Variants in ITGA8 observed in about 807,000 individuals in gnomAD.
ITGA8 encodes the protein integrin alpha-8.
A neutral mutation model predicts 142.3 loss-of-function variants in ITGA8; 91 were observed. The ratio of observed to expected loss-of-function variants is 0.64; its 90% CI spans 0.54 to 0.76. The LOEUF is 0.76. ITGA8 is among the 30% of genes least tolerant of loss of function. The pLI, the probability that ITGA8 is intolerant of heterozygous loss-of-function variation, is 0.00. For synonymous variants in ITGA8, 505 were observed against 485.2 expected (o/e 1.04, Z -0.54); for missense variants, 1,406 against 1,327.7 (o/e 1.06, Z -0.92).
intron 23 of ITGA8, among the ~76,000 whole-genome samples, chr10:15,576,658 G>A (rs983797616): frequency 4.6e-5 from 7 of 152,298 alleles, no homozygotes; most frequent in Admixed American, 6.5e-5. Context: ...TCTAGGGCAA[G>A]TAATTTAATT....
intron 2 of ITGA8, among the ~76,000 whole-genome samples, chr10:15,692,994 G>A (rs1834962832): frequency 6.6e-6 from 1 of 152,164 alleles, no homozygotes; most frequent in Non-Finnish European, 1.5e-5. Context: ...GTTGAACCTG[G>A]AAGTGGAGGT....
At chr10:15,650,833 A>G (rs1834071866) in intron 11 of ITGA8, among the ~76,000 whole-genome samples, 1 of 152,224 alleles carries the variant, frequency 6.6e-6, no homozygotes, top group African/African-American at 2.4e-5. Flanking sequence ...ATATCAAATC[A>G]ACCTAATTGA....
intron 8 of ITGA8, among the ~76,000 whole-genome samples, chr10:15,662,787 T>G (rs1457886427): frequency 6.6e-6 from 1 of 152,200 alleles, no homozygotes. Flanking sequence ...GAACTCATAG[T>G]TGGTGAGTAG....
chr10:15,606,759 A>G (rs1311553186), intron 17 of ITGA8, among the ~76,000 whole-genome samples: 1 of 152,174 alleles, frequency 6.6e-6, no homozygotes, highest in Non-Finnish European at 1.5e-5. Flanking sequence ...CACAAAAAAC[A>G]TCATGAATTT....
chr10:15,692,683 A>G (rs558983330), intron 2 of ITGA8, among the ~76,000 whole-genome samples: 1 of 152,314 alleles, frequency 6.6e-6, no homozygotes, highest in South Asian at 2.1e-4. Flanking sequence ...CCTCAACACA[A>G]TTGTACATAC....
At chr10:15,609,954 A>G (rs796577365) in intron 15 of ITGA8, among the ~76,000 whole-genome samples, 3 of 152,188 alleles carry the variant, frequency 2.0e-5, no homozygotes, top group South Asian at 2.1e-4. Flanking sequence ...ATGGGATGGT[A>G]TATAGTTGAT....
intron 7 of ITGA8, 97 bp downstream of exon 7, chr10:15,672,527 C>T (rs1834543287): frequency 2.9e-6 from 4 of 1,386,610 alleles, no homozygotes; most frequent in Non-Finnish European, 3.9e-6. Context: ...GTATAAGATG[C>T]CAAATAACAT....
chr10:15,533,640 A>G (rs1297549526), intron 27 of ITGA8, among the ~76,000 whole-genome samples: 2 of 152,196 alleles, frequency 1.3e-5, no homozygotes, highest in Non-Finnish European at 2.9e-5. Flanking sequence ...GATAGAAAAT[A>G]TTACTGTTCT....
At chr10:15,561,226 T>TAA (rs750452088) in intron 25 of ITGA8, among the ~76,000 whole-genome samples, 3 of 106,618 alleles carry the variant, frequency 2.8e-5, no homozygotes, top group African/African-American at 1.2e-4. Context: ...TATATATATA[T>TAA]ATATATATGT....
At chr10:15,685,270 T>G (rs1834814701) in intron 3 of ITGA8, among the ~76,000 whole-genome samples, 1 of 152,212 alleles carries the variant, frequency 6.6e-6, no homozygotes, top group African/African-American at 2.4e-5. Flanking sequence ...ATCCAAATTA[T>G]TTCATAAATG....
chr10:15,548,427 T>C (rs757313058), intron 27 of ITGA8, 28 bp downstream of exon 27: 23 of 1,455,746 alleles, frequency 1.6e-5, no homozygotes, highest in South Asian at 4.6e-5. Context: ...GTGAGCAGTG[T>C]GTATGTGCTT....
At chr10:15,524,067 A>C (rs570189377) in intron 28 of ITGA8, among the ~76,000 whole-genome samples, 2 of 152,348 alleles carry the variant, frequency 1.3e-5, no homozygotes, top group Non-Finnish European at 2.9e-5. Context: ...GTCTTAAAAG[A>C]AGGCAACCTC....
chr10:15,674,118 A>G (rs2131689746), intron 6 of ITGA8, among the ~76,000 whole-genome samples: 1 of 152,246 alleles, frequency 6.6e-6, no homozygotes, highest in East Asian at 1.9e-4. Context: ...AAACTAGATC[A>G]TAAATATTGC....
At chr10:15,688,990 C>T (rs1289718065) in intron 2 of ITGA8, among the ~76,000 whole-genome samples, 1 of 152,124 alleles carries the variant, frequency 6.6e-6, no homozygotes, top group East Asian at 1.9e-4. Flanking sequence ...AAGTCCTAAC[C>T]AGAGCAGTTG....
intron 19 of ITGA8, among the ~76,000 whole-genome samples, chr10:15,605,167 A>G (rs1054979367): frequency 6.6e-6 from 1 of 152,158 alleles, no homozygotes; most frequent in Non-Finnish European, 1.5e-5. Flanking sequence ...CCCATAACAG[A>G]ATACAGTGCA....
At chr10:15,634,197 G>A (rs574470563) in intron 13 of ITGA8, among the ~76,000 whole-genome samples, 7 of 151,944 alleles carry the variant, frequency 4.6e-5, no homozygotes, top group African/African-American at 1.7e-4. Context: ...CCCTCTTAAA[G>A]CTCTTCTCAT....
chr10:15,635,976 T>C (rs1290367766), intron 13 of ITGA8, among the ~76,000 whole-genome samples: 1 of 149,776 alleles, frequency 6.7e-6, no homozygotes, highest in East Asian at 2.0e-4. Flanking sequence ...ATTGAAAAGA[T>C]AATGGGTTAT....
In ITGA8 at chr10:15,716,761, C is replaced by T. The variant is rs45542237; in HGVS notation, c.343+2005G>A. ...TCTTGGCTAACTGCAACCTCTCCCT[C>T]CTGGGTTCAAGCAATTCTCCTGTCT... On this transcript the variant is annotated intron_variant, in intron 2 of 29. Transcript: ENST00000378076. Among the ~76,000 whole-genome samples the T allele has an allele frequency of 5.7e-3, 855 of 150,584 alleles. 4 individuals carry two copies. The highest frequency in any genetic ancestry group is 0.018 in the Middle Eastern group (5 of 282).
chr10:15,718,725 C>G, intron 2 of ITGA8, 41 bp downstream of exon 2: 1 of 1,607,464 alleles, frequency 6.2e-7, no homozygotes, highest in Non-Finnish European at 8.5e-7. Context: ...CTGGTTCTTC[C>G]AAACCCAGGC....
Sources: allele counts gnomAD v4.1 joint callset (sites outside exome capture counted in the v4.1 genomes callset), GRCh38; gene constraint gnomAD v4.1.1; transcripts MANE v1.5; gene names NCBI Gene and HGNC (gene_info 2026-07-23, HGNC 2026-07-21).